ARHGAP25: variants seen among roughly 807,000 people sequenced by gnomAD.
The protein encoded by ARHGAP25 is rho GTPase-activating protein 25.
A neutral mutation model predicts 71.0 loss-of-function variants in ARHGAP25; 34 were observed. The observed-to-expected ratio is 0.48, with a 90% confidence interval of 0.36 to 0.64. The LOEUF is 0.64. Among genes scored for constraint, ARHGAP25 ranks in the 30% least tolerant of loss-of-function variants. The pLI is 0.00. For missense variants in ARHGAP25, 706 were observed against 805.1 expected (o/e 0.88, Z 1.49); for synonymous variants, 282 against 296.5 (o/e 0.95, Z 0.50).
At chr2:68,725,193 G>A (rs1269726509) in intron 2 of ARHGAP25, among the ~76,000 whole-genome samples, 2 of 152,148 alleles carry the variant, frequency 1.3e-5, no homozygotes, top group Non-Finnish European at 2.9e-5. Context: ...AGGCCACGCT[G>A]GTGCAGACCT....
Position 68,824,804 on chromosome 2 carries a change from G to A in ARHGAP25, c.1734-1183G>A, listed in dbSNP as rs72903635. Among the ~76,000 whole-genome samples the A allele has an allele frequency of 9.9e-3, 1,507 of 152,288 alleles. 29 individuals are homozygous for A. The highest frequency in any genetic ancestry group is 0.035 in the African/African-American group (1,447 of 41,564). On this transcript the variant is annotated intron_variant, in intron 10 of 10. Coordinates refer to ENST00000409202, the MANE Select transcript of ARHGAP25 (RefSeq NM_001007231.3). ...TCAATTTAGCTTTAAGAAGAGATAG[G>A]TGGGGGTAAGCAAAGTTCTGAAGAT... is the stretch of plus-strand genomic sequence containing the variant.
At chr2:68,771,874 T>C (rs4627611) in intron 1 of ARHGAP25, among the ~76,000 whole-genome samples, 51,961 of 152,062 alleles carry the variant, frequency 0.34, 9,071 homozygotes, top group Middle Eastern at 0.42. Flanking sequence ...TTTATGGATA[T>C]AAAACATGGC....
chr2:68,751,753 C>A (rs1394127536), intron 1 of ARHGAP25, among the ~76,000 whole-genome samples: 1 of 152,214 alleles, frequency 6.6e-6, no homozygotes, highest in Non-Finnish European at 1.5e-5. Flanking sequence ...TACAGAAAAT[C>A]TCCTCATTAA....
At position 68,745,454 on chromosome 2, in the gene ARHGAP25, T is replaced by C. The variant is rs1025166558; in HGVS notation, c.61+10194T>C. Among the ~76,000 whole-genome samples, 9 of 152,234 alleles carry C rather than the reference T, an allele frequency of 5.9e-5. No homozygotes were observed. In the South Asian group the frequency reaches 1.4e-3, roughly 24 times the overall value. On this transcript the variant is annotated intron_variant, in intron 1 of 10. Coordinates refer to ENST00000409202, the MANE Select transcript of ARHGAP25 (RefSeq NM_001007231.3). ...TCACCCCATTAGGTCCTCCTTACCA[T>C]AGATTCATAACTAGCATTAAATCTA...
intron 1 of ARHGAP25, among the ~76,000 whole-genome samples, chr2:68,741,633 T>G (rs773030336): frequency 6.6e-5 from 10 of 152,208 alleles, no homozygotes; most frequent in Non-Finnish European, 1.5e-4. Context: ...CTCGAACTCC[T>G]GGGCCCAAGC....
At position 68,790,057 on chromosome 2, in the gene ARHGAP25, C is replaced by T. The variant is rs541789449; in HGVS notation, c.466+2101C>T. Among the ~76,000 whole-genome samples the T allele has an allele frequency of 2.0e-5, 3 of 152,306 alleles. No homozygotes were observed. In the South Asian group the frequency reaches 6.2e-4, roughly 32 times the overall value. On this transcript the variant is annotated intron_variant, in intron 4 of 10. Coordinates refer to ENST00000409202, the MANE Select transcript of ARHGAP25 (RefSeq NM_001007231.3). ...AGACTGGAGTGCACTGGCATGATCT[C>T]GGCTCACTGCAACCTCCGCTTCCAG...
In ARHGAP25 at chr2:68,775,047, G is replaced by A. The variant is rs976526649; in HGVS notation, c.62-174G>A. ...CTGACCGGGAGCTGGCCCCTCGGCT[G>A]CTTCTCTGGCTCGGGGGGGACTTTC... On this transcript the variant is annotated intron_variant, in intron 1 of 10. Coordinates refer to ENST00000409202, the MANE Select transcript of ARHGAP25 (RefSeq NM_001007231.3). 7.2e-6 allele frequency: 11 copies of A among 1,519,816 alleles called. No individual in the cohort carries two copies. The Admixed American group carries it at 2.1e-4, about 29-fold the overall frequency. 94.1% of individuals were successfully genotyped at this position (1,519,816 alleles called of 1,614,324 possible).
intron 2 of ARHGAP25, among the ~76,000 whole-genome samples, chr2:68,712,033 A>G (rs866995117): frequency 3.3e-5 from 5 of 152,200 alleles, no homozygotes; most frequent in Non-Finnish European, 5.9e-5. Context: ...TATACCCAGT[A>G]ATGGGAATCC....
intron 1 of ARHGAP25, among the ~76,000 whole-genome samples, chr2:68,763,278 C>G (rs1676934136): frequency 6.6e-6 from 1 of 152,162 alleles, no homozygotes; most frequent in Admixed American, 6.5e-5. Context: ...TTATATGACA[C>G]AGTAGAAGTA....
chr2:68,823,226 C>G (rs1174924887), intron 10 of ARHGAP25, among the ~76,000 whole-genome samples: 2 of 152,234 alleles, frequency 1.3e-5, no homozygotes, highest in East Asian at 1.9e-4. Context: ...AGCCCCTCCT[C>G]TGTGCCAGGC....
intron 1 of ARHGAP25, among the ~76,000 whole-genome samples, chr2:68,772,239 AC>A (rs1206329611): frequency 1.3e-5 from 2 of 152,162 alleles, no homozygotes; most frequent in East Asian, 3.9e-4. Flanking sequence ...GTTTCCCCTA[AC>A]CCCCACTGTG....
At chr2:68,789,462 A>G (rs1679013082) in intron 4 of ARHGAP25, among the ~76,000 whole-genome samples, 1 of 152,254 alleles carries the variant, frequency 6.6e-6, no homozygotes, top group Non-Finnish European at 1.5e-5. Flanking sequence ...AACCAAGAGC[A>G]GGAACTGCCA....
chr2:68,749,656 G>C (rs149442135), intron 1 of ARHGAP25, among the ~76,000 whole-genome samples: 5 of 152,304 alleles, frequency 3.3e-5, no homozygotes, highest in African/African-American at 1.2e-4. Context: ...CTCAACTCCT[G>C]CACTAAGTTA....
At chr2:68,739,131 T>G (rs975997867) in intron 1 of ARHGAP25, among the ~76,000 whole-genome samples, 2 of 152,142 alleles carry the variant, frequency 1.3e-5, no homozygotes, top group African/African-American at 4.8e-5. Flanking sequence ...ACCTAAGTGG[T>G]GATGGGAAAA....
intron 1 of ARHGAP25, among the ~76,000 whole-genome samples, chr2:68,743,049 A>C (rs10176108): frequency 0.31 from 46,751 of 152,174 alleles, 7,727 homozygotes; most frequent in South Asian, 0.44. Context: ...GGATAATGAT[A>C]GCTTCTGGTA....
chr2:68,720,818 G>T (rs992815750), intron 2 of ARHGAP25, among the ~76,000 whole-genome samples: 1 of 152,080 alleles, frequency 6.6e-6, no homozygotes, highest in Non-Finnish European at 1.5e-5. Context: ...GTTTGCACAC[G>T]TACTGGGCCA....
At chr2:68,810,589 G>A (rs928632448) in intron 5 of ARHGAP25, among the ~76,000 whole-genome samples, 3 of 152,122 alleles carry the variant, frequency 2.0e-5, no homozygotes, top group African/African-American at 7.2e-5. Flanking sequence ...TGGTGTAGCT[G>A]TATTTATAAT....
intron 1 of ARHGAP25, among the ~76,000 whole-genome samples, chr2:68,759,268 A>G (rs1361914753): frequency 6.6e-6 from 1 of 151,760 alleles, no homozygotes; most frequent in East Asian, 1.9e-4. Context: ...ATATAAAAAT[A>G]AGAGAGAAAG....
chr2:68,820,188 A>G (rs986860236), intron 9 of ARHGAP25, among the ~76,000 whole-genome samples: 1 of 152,252 alleles, frequency 6.6e-6, no homozygotes, highest in African/African-American at 2.4e-5. Flanking sequence ...TCATGTAACA[A>G]GATCATCCCA....
Sources: allele counts gnomAD v4.1 joint callset (sites outside exome capture counted in the v4.1 genomes callset), GRCh38; gene constraint gnomAD v4.1.1; transcripts MANE v1.5; gene names NCBI Gene and HGNC (gene_info 2026-07-23, HGNC 2026-07-21).